RNF144B: variants seen among roughly 807,000 people sequenced by gnomAD.
RNF144B encodes ring finger protein 144B, also known as E3 ubiquitin-protein ligase RNF144B.
Under a neutral mutation model 40.2 loss-of-function variants are expected in RNF144B, and 25 were observed. The observed-to-expected ratio is 0.62, with a 90% CI of 0.45 to 0.87. The LOEUF (loss-of-function observed/expected upper bound fraction) is 0.87, where lower values mean the gene tolerates loss of function less well. Among genes scored for constraint, RNF144B ranks in the 40% least tolerant of loss-of-function variants. The pLI is 0.00. For missense variants in RNF144B, 365 were observed against 373.7 expected (o/e 0.98, Z 0.19); for synonymous variants, 145 against 136.3 (o/e 1.06, Z -0.44).
chr6:18,423,015 C>G lies in RNF144B; in HGVS notation c.166-4566C>G, dbSNP rs1758465381. Among the ~76,000 whole-genome samples, 3 of 151,880 alleles carry G rather than the reference C, an allele frequency of 2.0e-5. No individual in the cohort carries two copies. In the South Asian group the frequency reaches 6.2e-4, roughly 31 times the overall value. ...CCTTCCTCTCAACAGTACCTATTCT[C>G]TTACCTATTCACCTCACCCTCATGA... On this transcript the variant is annotated intron_variant, in intron 2 of 7. Transcript: ENST00000259939.
chr6:18,404,386 T>C (rs1231945179), intron 2 of RNF144B, among the ~76,000 whole-genome samples: 1 of 152,228 alleles, frequency 6.6e-6, no homozygotes, highest in Non-Finnish European at 1.5e-5. Flanking sequence ...TTGCCTTCTC[T>C]AGACTTTAGT....
intron 1 of RNF144B, among the ~76,000 whole-genome samples, chr6:18,389,539 G>A (rs184639390): frequency 5.9e-5 from 9 of 152,136 alleles, no homozygotes; most frequent in Admixed American, 2.0e-4. Context: ...TCCTTTCTCC[G>A]AAGTGTTTCT....
chr6:18,464,510 C>A lies in RNF144B; in HGVS notation c.772-417C>A, dbSNP rs1759533144. ...TGTTCAGGCTGCTATAACAAATGAC[C>A]ATAGACTGGGAGGCTTAAAGAACAG... On this transcript the variant is annotated intron_variant, in intron 7 of 7. Transcript: ENST00000259939. This position sits in a 1 kb window ranked among gnomAD's most constrained non-coding sequence, Gnocchi z 6.1. 6.6e-6 allele frequency among the ~76,000 whole-genome samples: 1 copy of A among 152,174 alleles called. No homozygotes were observed. The highest frequency in any genetic ancestry group is 6.5e-5 in the Admixed American group (1 of 15,276).
At chr6:18,432,044 G>C (rs1199091319) in intron 3 of RNF144B, among the ~76,000 whole-genome samples, 1 of 152,148 alleles carries the variant, frequency 6.6e-6, no homozygotes, top group African/African-American at 2.4e-5. Flanking sequence ...TACTGAACAC[G>C]TGCAGACTTT....
rs1758527854 is a variant in RNF144B, at chr6:18,425,353, C to CTGCCTTG, written c.166-2228_166-2227insTGCCTTG. The stretch of plus-strand genomic sequence containing the variant: ...GAAGATCAAGGCAGTAACAATGGAA[C>CTGCCTTG]AGGTGTGGCTGATGGAAGGCTGAGA... On this transcript the variant is annotated intron_variant, in intron 2 of 7. Coordinates refer to ENST00000259939, the MANE Select transcript of RNF144B (RefSeq NM_182757.4). This position sits in a 1 kb window ranked among gnomAD's most constrained non-coding sequence, Gnocchi z 4.2. 6.6e-6 allele frequency among the ~76,000 whole-genome samples: 1 copy of CTGCCTTG among 152,152 alleles called. No individual in the cohort carries two copies. Among genetic ancestry groups the CTGCCTTG allele is most frequent in the African/African-American group, 2.4e-5 (1 of 41,424 alleles).
intron 3 of RNF144B, among the ~76,000 whole-genome samples, chr6:18,432,029 A>G (rs1758706608): frequency 2.0e-5 from 3 of 152,176 alleles, no homozygotes; most frequent in Non-Finnish European, 4.4e-5. Flanking sequence ...CAGAAAAAAT[A>G]TTTTTACTGA....
rs1428503651 is a variant in RNF144B, at chr6:18,410,011, TGCTTGTATG to T, written c.165+10313_165+10321del. On this transcript the variant is annotated intron_variant, in intron 2 of 7. Coordinates refer to ENST00000259939, the MANE Select transcript of RNF144B (RefSeq NM_182757.4). The surrounding 1 kb of genome is among the most constrained non-coding windows in gnomAD (Gnocchi z 4.6). ...TGTGAAAAGATAGTTTGGTGATCTG[TGCTTGTATG>T]TTGTGTAGACTTTTCCCCCCTTAAG... 2.0e-5 allele frequency among the ~76,000 whole-genome samples: 3 copies of T among 152,234 alleles called. No homozygotes were observed. Among genetic ancestry groups the T allele is most frequent in the Non-Finnish European group, 4.4e-5 (3 of 68,046 alleles).
chr6:18,411,662 C>A (rs1413212290), intron 2 of RNF144B, among the ~76,000 whole-genome samples: 2 of 151,298 alleles, frequency 1.3e-5, no homozygotes, highest in African/African-American at 4.9e-5. Context: ...CGCCACCGCA[C>A]CCAACTAATT....
intron 4 of RNF144B, among the ~76,000 whole-genome samples, chr6:18,455,490 C>T (rs1263832649): frequency 6.6e-6 from 1 of 152,094 alleles, no homozygotes; most frequent in Non-Finnish European, 1.5e-5. Flanking sequence ...TACTTAATAC[C>T]TTTATTTTCT....
chr6:18,457,336 T>C lies in RNF144B; in HGVS notation c.513T>C (p.Pro171=), dbSNP rs1237589988. 1 of 1,613,830 alleles carries C rather than the reference T, an allele frequency of 6.2e-7. No individual in the cohort carries two copies. The highest frequency in any genetic ancestry group is 8.5e-7 in the Non-Finnish European group (1 of 1,179,808). Residue 171 remains proline, a synonymous_variant, in exon 5 of 8, where the codon CCT becomes CCC. Transcript: ENST00000259939. This position sits in a 1 kb window ranked among gnomAD's most constrained non-coding sequence, Gnocchi z 5.1. ...HAEVSCRDSQ[P]IVLPTEHRAL... ...AGGTCTCCTGTAGAGACAGTCAGCCTATTGTCCTGCCAACAGAGCACCGGT... is the reference window on the plus strand; with the variant it reads ...AGGTCTCCTGTAGAGACAGTCAGCCCATTGTCCTGCCAACAGAGCACCGGT...
At chr6:18,388,447 G>C (rs1794513084) in intron 1 of RNF144B, among the ~76,000 whole-genome samples, 1 of 152,172 alleles carries the variant, frequency 6.6e-6, no homozygotes, top group African/African-American at 2.4e-5. Flanking sequence ...CAAAATAAAT[G>C]AACTTTGGGA....
intron 2 of RNF144B, among the ~76,000 whole-genome samples, chr6:18,415,082 T>C (rs774884552): frequency 5.9e-5 from 9 of 152,202 alleles, no homozygotes; most frequent in Non-Finnish European, 1.0e-4. Context: ...TAATATCTAA[T>C]ACAATGTAAA....
chr6:18,415,495 C>G (rs9371057), intron 2 of RNF144B, among the ~76,000 whole-genome samples: 45,141 of 152,030 alleles, frequency 0.3, 7,324 homozygotes, highest in African/African-American at 0.44. Context: ...AACCTTGAGC[C>G]CTTTCATAAG....
intron 1 of RNF144B, among the ~76,000 whole-genome samples, chr6:18,389,287 T>G (rs546235797): frequency 2.6e-5 from 4 of 152,334 alleles, no homozygotes; most frequent in African/African-American, 9.6e-5. Context: ...AATCAGTTTT[T>G]GGGTCTCAGA....
At chr6:18,393,737 C>T (rs530883392) in intron 1 of RNF144B, among the ~76,000 whole-genome samples, 12 of 152,202 alleles carry the variant, frequency 7.9e-5, no homozygotes, top group South Asian at 4.1e-4. Flanking sequence ...ATTAGCTTCC[C>T]GAGAATATGT....
Position 18,467,132 on chromosome 6 carries a change from G to A in RNF144B, c.*2065G>A, listed in dbSNP as rs191730303. On this transcript the variant is annotated 3_prime_UTR_variant, in exon 8 of 8. Transcript: ENST00000259939. Reference sequence around the variant, plus strand: ...GTAAAAGGCATTTATAACTGCTCAGGGGATTACGAGAACTCAACTGAAACT... The same window carrying A: ...GTAAAAGGCATTTATAACTGCTCAGAGGATTACGAGAACTCAACTGAAACT... 2 of 152,656 alleles carry A rather than the reference G, an allele frequency of 1.3e-5. No homozygotes were observed. Among genetic ancestry groups the A allele is most frequent in the Admixed American group, 1.3e-4 (2 of 15,294 alleles). The allele number at this position is 152,656 out of a possible 1,614,324, so 9.5% of individuals were successfully genotyped here. A position where few individuals can be genotyped will look rare whatever the true frequency, so the allele number is the denominator to read the frequency against.
In RNF144B at chr6:18,405,150, T is replaced by TTTATTATTATTATTATTA. The variant is rs71536790; in HGVS notation, c.165+5460_165+5477dup. ...CTTGCTTGCAAGGTTAGTTTTTTTC[T>TTTATTATTATTATTATTA]TTATTATTATTATTATTATTATTAT... On this transcript the variant is annotated intron_variant, in intron 2 of 7. Coordinates refer to ENST00000259939, the MANE Select transcript of RNF144B (RefSeq NM_182757.4). This position sits in a 1 kb window ranked among gnomAD's most constrained non-coding sequence, Gnocchi z 4.5. 5.1e-3 allele frequency among the ~76,000 whole-genome samples: 745 copies of TTTATTATTATTATTATTA among 146,240 alleles called. 2 individuals are homozygous for TTTATTATTATTATTATTA. The highest frequency in any genetic ancestry group is 0.011 in the African/African-American group (426 of 39,848).
chr6:18,393,606 A>G (rs191136491), intron 1 of RNF144B, among the ~76,000 whole-genome samples: 12 of 152,224 alleles, frequency 7.9e-5, no homozygotes, highest in African/African-American at 2.9e-4. Flanking sequence ...GCTGATTTTC[A>G]GATTGCATTG....
Position 18,442,876 on chromosome 6 carries a change from A to T in RNF144B, c.331+3132A>T, listed in dbSNP as rs1364750046. Among the ~76,000 whole-genome samples, 3 of 152,272 alleles carry T rather than the reference A, an allele frequency of 2.0e-5. No homozygotes were observed. The highest frequency in any genetic ancestry group is 3.9e-4 in the East Asian group (2 of 5,178). On this transcript the variant is annotated intron_variant, in intron 4 of 7. Coordinates refer to ENST00000259939, the MANE Select transcript of RNF144B (RefSeq NM_182757.4). The surrounding 1 kb of genome is among the most constrained non-coding windows in gnomAD (Gnocchi z 4.3). The stretch of plus-strand genomic sequence containing the variant: ...CTGTAGTAGCAGGTATAAGAATTTC[A>T]TTTTTTAAGGCTGAATAACCTATTG...
Sources: allele counts gnomAD v4.1 joint callset (sites outside exome capture counted in the v4.1 genomes callset), GRCh38; gene constraint gnomAD v4.1.1; non-coding constraint Gnocchi (gnomAD v3.1); transcripts MANE v1.5; gene names NCBI Gene and HGNC (gene_info 2026-07-23, HGNC 2026-07-21).